Variants in SUFU observed in about 807,000 individuals in gnomAD.
The protein encoded by SUFU is SUFU negative regulator of hedgehog signaling.
Under a neutral mutation model 58.9 loss-of-function variants are expected in SUFU, and 7 were observed. The ratio of observed to expected loss-of-function variants is 0.12; its 90% CI spans 0.07 to 0.22. The LOEUF is 0.22. Among genes scored for constraint, SUFU ranks in the 10% least tolerant of loss-of-function variants. SUFU has a pLI of 1.00. For synonymous variants in SUFU, 232 were observed against 254.8 expected (o/e 0.91, Z 0.85); for missense variants, 451 against 641.3 (o/e 0.70, Z 3.20).
intron 2 of SUFU, among the ~76,000 whole-genome samples, chr10:102,525,837 A>T (rs12572775): frequency 0.47 from 71,348 of 152,038 alleles, 17,821 homozygotes; most frequent in Middle Eastern, 0.61. Context: ...CATTACCTAA[A>T]TATCCAGTGC....
rs74153587 is a variant in SUFU, at chr10:102,604,072, C to T, written c.1022+4528C>T. ...TGCTTCAAGGGGTCTCTCCTGTCAG[C>T]GCAGTGGCCAGCCTGGAGCCCTCTC... On this transcript the variant is annotated intron_variant, in intron 8 of 11. Transcript: ENST00000369902. 3.4e-4 allele frequency among the ~76,000 whole-genome samples: 52 copies of T among 152,340 alleles called. No homozygotes were observed. In the East Asian group the frequency reaches 4.8e-3, roughly 14 times the overall value.
chr10:102,584,299 G>A (rs903842503), intron 3 of SUFU, among the ~76,000 whole-genome samples: 11 of 152,192 alleles, frequency 7.2e-5, no homozygotes, highest in African/African-American at 2.7e-4. Flanking sequence ...CACAAGAGTG[G>A]TAACTGGTAG....
chr10:102,586,651 C>T (rs933659480), intron 3 of SUFU, among the ~76,000 whole-genome samples: 13 of 152,114 alleles, frequency 8.5e-5, no homozygotes, highest in South Asian at 8.3e-4. Context: ...CTAGCCTGGG[C>T]GACAGAGCGA....
chr10:102,597,863 G>A (rs1321758799), intron 7 of SUFU, among the ~76,000 whole-genome samples: 1 of 152,278 alleles, frequency 6.6e-6, no homozygotes, highest in Non-Finnish European at 1.5e-5. Flanking sequence ...GAAGGAGGAT[G>A]TGGCTGTCCT....
Position 102,617,900 on chromosome 10 carries a change from C to A in SUFU, c.1296+472C>A. ...GCAGGCCTCAGTGGGAAGAGCCTCCCCTTCTTAGCCTACCCCCATCTGACA... is the reference window on the plus strand; with the variant it reads ...GCAGGCCTCAGTGGGAAGAGCCTCCACTTCTTAGCCTACCCCCATCTGACA... On this transcript the variant is annotated intron_variant, in intron 10 of 11. Transcript: ENST00000369902. This position sits in a 1 kb window ranked among gnomAD's most constrained non-coding sequence, Gnocchi z 4.4. 1 of 276,578 alleles carries A rather than the reference C, an allele frequency of 3.6e-6. No individual in the cohort carries two copies. The highest frequency in any genetic ancestry group is 6.8e-6 in the Non-Finnish European group (1 of 147,194). 17.1% of individuals were successfully genotyped at this position (276,578 alleles called of 1,614,324 possible).
At chr10:102,525,605 C>T (rs572372805) in intron 2 of SUFU, among the ~76,000 whole-genome samples, 19 of 151,946 alleles carry the variant, frequency 1.3e-4, no homozygotes, top group Middle Eastern at 3.4e-3. Context: ...TAGGTTCCAG[C>T]GATTCTCCTG....
At chr10:102,549,129 C>A (rs1404755005) in intron 2 of SUFU, among the ~76,000 whole-genome samples, 1 of 152,152 alleles carries the variant, frequency 6.6e-6, no homozygotes, top group Non-Finnish European at 1.5e-5. Context: ...CAAGGTTGTA[C>A]CCTTGTGGGC....
intron 1 of SUFU, among the ~76,000 whole-genome samples, chr10:102,505,927 C>T (rs1689608563): frequency 6.6e-6 from 1 of 151,534 alleles, no homozygotes; most frequent in South Asian, 2.1e-4. Context: ...CTGGGCTGGG[C>T]ACAGTGGCTC....
chr10:102,602,721 G>A (rs759510120), intron 8 of SUFU, among the ~76,000 whole-genome samples: 1 of 152,104 alleles, frequency 6.6e-6, no homozygotes. Context: ...AGAAAGGCAG[G>A]CCCCCTGGGT....
At chr10:102,565,706 G>T (rs1024031733) in intron 3 of SUFU, among the ~76,000 whole-genome samples, 1 of 152,064 alleles carries the variant, frequency 6.6e-6, no homozygotes, top group African/African-American at 2.4e-5. Context: ...CACCACGCAC[G>T]GCTAATTTTT....
rs895080565 is a variant in SUFU, at chr10:102,533,417, A to G, written c.318-16553A>G. Among the ~76,000 whole-genome samples the G allele has an allele frequency of 5.9e-5, 9 of 151,992 alleles. No homozygotes were observed. In the South Asian group the frequency reaches 1.9e-3, roughly 32 times the overall value. On this transcript the variant is annotated intron_variant, in intron 2 of 11. Transcript: ENST00000369902. ...TGGAACCCCATCTCTACAAAAAAAA[A>G]AAAAAAATTAGCCAAGCATGGTGGC...
chr10:102,593,909 G>A, intron 5 of SUFU, 84 bp from the exon 6 acceptor site: 2 of 1,534,516 alleles, frequency 1.3e-6, no homozygotes, highest in Admixed American at 1.7e-5. Context: ...CCTAGGCCTG[G>A]GGCAGCAAAC....
chr10:102,592,439 C>G, intron 3 of SUFU, 143 bp from the exon 4 acceptor site: 1 of 896,800 alleles, frequency 1.1e-6, no homozygotes, highest in Non-Finnish European at 1.8e-6. Flanking sequence ...TGCTTCCATC[C>G]GGAGTGAATG....
intron 10 of SUFU, among the ~76,000 whole-genome samples, chr10:102,626,154 G>T (rs1241240997): frequency 6.6e-6 from 1 of 152,070 alleles, no homozygotes; most frequent in East Asian, 1.9e-4. Flanking sequence ...AGGACAGGGA[G>T]GGGGAGGGGT....
At chr10:102,571,680 ACT>A (rs1187195639) in intron 3 of SUFU, among the ~76,000 whole-genome samples, 2 of 152,148 alleles carry the variant, frequency 1.3e-5, no homozygotes, top group Non-Finnish European at 2.9e-5. Context: ...ACAGAGCAAG[ACT>A]CTGTTTCAAA....
chr10:102,526,161 A>G (rs1589992133), intron 2 of SUFU, among the ~76,000 whole-genome samples: 1 of 152,130 alleles, frequency 6.6e-6, no homozygotes, highest in Non-Finnish European at 1.5e-5. Flanking sequence ...CAGTAGGTCA[A>G]AACTCCTGTG....
chr10:102,630,326 C>T lies in SUFU; in HGVS notation c.*171C>T, dbSNP rs1409588935. The T allele has an allele frequency of 1.3e-4, 85 of 659,770 alleles. 1 individual carries two copies. Among genetic ancestry groups the T allele is most frequent in the Non-Finnish European group, 8.1e-6 (3 of 372,274 alleles). 40.9% of individuals were successfully genotyped at this position (659,770 alleles called of 1,614,324 possible). On this transcript the variant is annotated 3_prime_UTR_variant, in exon 12 of 12. Coordinates refer to ENST00000369902, the MANE Select transcript of SUFU (RefSeq NM_016169.4). ...TGCCATGCACAGGCCACAGGCCCTC[C>T]ACCTCACCTCCAGCTCAGGGGCCGC...
intron 3 of SUFU, among the ~76,000 whole-genome samples, chr10:102,586,581 G>A (rs1421301235): frequency 2.6e-5 from 4 of 152,144 alleles, no homozygotes; most frequent in Non-Finnish European, 5.9e-5. Context: ...GCTGAGGCAG[G>A]AGAATGGCCA....
chr10:102,609,546 CA>C (rs2063600831), intron 8 of SUFU, among the ~76,000 whole-genome samples: 1 of 152,190 alleles, frequency 6.6e-6, no homozygotes, highest in Admixed American at 6.5e-5. Context: ...CTCTTTGGAG[CA>C]AGAAGAAGAA....
Sources: allele counts gnomAD v4.1 joint callset (sites outside exome capture counted in the v4.1 genomes callset), GRCh38; gene constraint gnomAD v4.1.1; non-coding constraint Gnocchi (gnomAD v3.1); transcripts MANE v1.5; gene names NCBI Gene and HGNC (gene_info 2026-07-23, HGNC 2026-07-21).